The following RAPGEF4 variants were observed in gnomAD, a reference collection of about 807,000 sequenced individuals.
RAPGEF4 encodes the protein Rap guanine nucleotide exchange factor 4.
Under a neutral mutation model 147.9 loss-of-function variants are expected in RAPGEF4, and 66 were observed. That is an observed-to-expected ratio of 0.45 (90% CI 0.37 to 0.55). RAPGEF4 has a LOEUF of 0.55. Ranked by LOEUF, RAPGEF4 falls within the 20% of genes least tolerant of loss-of-function variation. RAPGEF4 has a pLI of 0.00. For missense variants in RAPGEF4, 1,071 were observed against 1,257.3 expected (o/e 0.85, Z 2.24); for synonymous variants, 419 against 442.7 (o/e 0.95, Z 0.67).
At chr2:172,994,810 C>T (rs1034424975) in intron 15 of RAPGEF4, among the ~76,000 whole-genome samples, 6 of 152,184 alleles carry the variant, frequency 3.9e-5, no homozygotes, top group African/African-American at 1.2e-4. Flanking sequence ...TGTCTTCTAC[C>T]TTATCTCTTT....
chr2:172,994,635 C>T (rs935852698), intron 15 of RAPGEF4, among the ~76,000 whole-genome samples: 3 of 152,204 alleles, frequency 2.0e-5, no homozygotes, highest in African/African-American at 7.2e-5. Flanking sequence ...ATGTGGCCAA[C>T]GCTACTCTTC....
chr2:172,798,275 A>G (rs1042161654), intron 3 of RAPGEF4, among the ~76,000 whole-genome samples: 5 of 152,070 alleles, frequency 3.3e-5, no homozygotes, highest in Non-Finnish European at 5.9e-5. Flanking sequence ...CAAAATTAAA[A>G]AAGAAAGAAA....
intron 6 of RAPGEF4, among the ~76,000 whole-genome samples, chr2:172,953,370 A>T (rs1688411603): frequency 1.4e-5 from 2 of 147,882 alleles, no homozygotes; most frequent in African/African-American, 4.9e-5. Context: ...GTATAGAGAG[A>T]ATTATATATA....
rs554942510 is a variant in RAPGEF4, at chr2:173,013,236, G to A, written c.1659-1228G>A. Among the ~76,000 whole-genome samples the A allele has an allele frequency of 2.6e-5, 4 of 152,306 alleles. No individual in the cohort carries two copies. The South Asian group carries it at 6.2e-4, about 24-fold the overall frequency. On this transcript the variant is annotated intron_variant, in intron 17 of 30. Coordinates refer to ENST00000397081, the MANE Select transcript of RAPGEF4 (RefSeq NM_007023.4). ...CAAGCCAGTTTTCTACGTCTTTCAA[G>A]GCAGGGTAGGAAGCTAAGACAGGGC...
chr2:172,805,980 G>A (rs1687455311), intron 3 of RAPGEF4, among the ~76,000 whole-genome samples: 1 of 151,032 alleles, frequency 6.6e-6, no homozygotes, highest in Non-Finnish European at 1.5e-5. Context: ...ACAATAAATA[G>A]GATTATAAAT....
At chr2:172,919,576 T>C (rs1322168970) in intron 5 of RAPGEF4, among the ~76,000 whole-genome samples, 1 of 152,078 alleles carries the variant, frequency 6.6e-6, no homozygotes, top group Non-Finnish European at 1.5e-5. Context: ...CTTTTCTCTT[T>C]CCTTCTCCAT....
intron 6 of RAPGEF4, among the ~76,000 whole-genome samples, chr2:172,936,852 A>G (rs969130032): frequency 2.0e-5 from 3 of 151,834 alleles, no homozygotes; most frequent in Non-Finnish European, 2.9e-5. Flanking sequence ...TTGTCTTTAT[A>G]TATAAGAGTA....
chr2:173,039,550 T>A (rs567752759), intron 29 of RAPGEF4, among the ~76,000 whole-genome samples: 1 of 151,608 alleles, frequency 6.6e-6, no homozygotes, highest in Admixed American at 6.5e-5. Flanking sequence ...CAGTTTTACA[T>A]CCACTTGGTT....
In RAPGEF4 at chr2:172,965,682, C is replaced by A. The variant is rs376523114; in HGVS notation, c.819C>A (p.His273Gln). The stretch of plus-strand genomic sequence containing the variant: ...TGTTAGAAGATGGTGTTCTCAACCA[C>A]GGTAAGATGAGCCCCAGTCCCTGGA... Reference protein sequence around the residue: ...QVLLEDGVLNHVDQEHHFQDK... With the variant: ...QVLLEDGVLNQVDQEHHFQDK... The change falls in exon 9 of 31, where the codon CAC becomes CAA. Residue 273 changes from histidine (H) to glutamine (Q), a missense_variant and splice_region_variant. By Grantham distance (24) the His-to-Gln change is conservative (BLOSUM62 0). Coordinates refer to ENST00000397081, the MANE Select transcript of RAPGEF4 (RefSeq NM_007023.4). 2 of 1,614,014 alleles carry A rather than the reference C, an allele frequency of 1.2e-6. No individual in the cohort carries two copies. Among genetic ancestry groups the A allele is most frequent in the African/African-American group, 2.7e-5 (2 of 74,902 alleles).
chr2:172,758,037 A>G (rs997438156), intron 1 of RAPGEF4, among the ~76,000 whole-genome samples: 1 of 152,216 alleles, frequency 6.6e-6, no homozygotes, highest in African/African-American at 2.4e-5. Context: ...CAAAAAACAA[A>G]TAGAGCCCAG....
rs1214311731 is a variant in RAPGEF4 at position 172,735,942 on chromosome 2, G to A, written c.-42G>A. ...CGGAGGCGCAGGCAGAGCGAGCGCG[G>A]GAGGTCGCCGCAGCCAGGGACACCG... On this transcript the variant is annotated 5_prime_UTR_variant, in exon 1 of 31. Transcript: ENST00000397081. 3 of 1,422,738 alleles carry A rather than the reference G, an allele frequency of 2.1e-6. No individual in the cohort carries two copies. The South Asian group carries it at 4.1e-5, about 20-fold the overall frequency. 88.1% of individuals were successfully genotyped at this position (1,422,738 alleles called of 1,614,324 possible).
At chr2:172,841,225 C>A (rs1439791985) in intron 4 of RAPGEF4, among the ~76,000 whole-genome samples, 2 of 152,184 alleles carry the variant, frequency 1.3e-5, no homozygotes, top group East Asian at 3.9e-4. Context: ...TGAGTGAGTT[C>A]TCGCTCTTAC....
chr2:172,805,230 G>A (rs559694114), intron 3 of RAPGEF4, among the ~76,000 whole-genome samples: 1 of 152,248 alleles, frequency 6.6e-6, no homozygotes, highest in African/African-American at 2.4e-5. Flanking sequence ...TGGACGGGAG[G>A]GACGGTGGAC....
At chr2:172,967,680 G>A (rs1689995455) in intron 10 of RAPGEF4, among the ~76,000 whole-genome samples, 1 of 152,196 alleles carries the variant, frequency 6.6e-6, no homozygotes, top group South Asian at 2.1e-4. Context: ...GTTGTCAGTA[G>A]TTGGCTCCGG....
intron 10 of RAPGEF4, among the ~76,000 whole-genome samples, chr2:172,983,251 C>G (rs1423091414): frequency 6.6e-6 from 1 of 152,194 alleles, no homozygotes; most frequent in Non-Finnish European, 1.5e-5. Context: ...AGATGCTCTT[C>G]CCTCTGAGAT....
chr2:172,962,025 T>G (rs890911433), intron 8 of RAPGEF4, among the ~76,000 whole-genome samples: 3 of 152,208 alleles, frequency 2.0e-5, no homozygotes, highest in Admixed American at 2.0e-4. Context: ...AAGGCAGAGA[T>G]TTCATGGTTA....
chr2:172,817,030 T>G (rs1243163409), intron 4 of RAPGEF4, among the ~76,000 whole-genome samples: 4 of 152,254 alleles, frequency 2.6e-5, no homozygotes, highest in African/African-American at 7.2e-5. Context: ...ATGATAATCC[T>G]AAAAAGTTAC....
chr2:172,759,638 C>T lies in RAPGEF4; in HGVS notation c.65+23590C>T, dbSNP rs143568988. On this transcript the variant is annotated intron_variant, in intron 1 of 30. Coordinates refer to ENST00000397081, the MANE Select transcript of RAPGEF4 (RefSeq NM_007023.4). ...TAAACAACATATGGTTCATTGGTTG[C>T]CATGTCCCTGGAAACATATCCTCTT... Among the ~76,000 whole-genome samples the T allele has an allele frequency of 1.3e-3, 191 of 152,278 alleles. 1 individual carries two copies. Among genetic ancestry groups the T allele is most frequent in the Middle Eastern group, 0.01 (3 of 294 alleles).
At chr2:172,982,987 T>G (rs1187759704) in intron 10 of RAPGEF4, among the ~76,000 whole-genome samples, 2 of 152,182 alleles carry the variant, frequency 1.3e-5, no homozygotes, top group African/African-American at 4.8e-5. Context: ...ACATCCTATA[T>G]TTGAGTCCTT....
Sources: allele counts gnomAD v4.1 joint callset (sites outside exome capture counted in the v4.1 genomes callset), GRCh38; gene constraint gnomAD v4.1.1; transcripts MANE v1.5; gene names NCBI Gene and HGNC (gene_info 2026-07-23, HGNC 2026-07-21).